Variants in ARHGEF1 observed in about 807,000 individuals in gnomAD.
The protein encoded by ARHGEF1 is 115 kDa guanine nucleotide exchange factor.
Under a neutral mutation model 119.7 loss-of-function variants are expected in ARHGEF1, and 40 were observed. That is an observed-to-expected ratio of 0.33 (90% confidence interval 0.26 to 0.44). The LOEUF (loss-of-function observed/expected upper bound fraction) is 0.44, where lower values mean the gene tolerates loss of function less well. Ranked by LOEUF, ARHGEF1 falls within the 20% of genes least tolerant of loss-of-function variation. The pLI is 1.00. For synonymous variants in ARHGEF1, 494 were observed against 521.0 expected (o/e 0.95, Z 0.71); for missense variants, 976 against 1,268.3 (o/e 0.77, Z 3.50).
At chr19:41,909,790 A>G (rs1483866748), downstream of ARHGEF1, 3 of 1,449,240 alleles carry the variant, frequency 2.1e-6, no homozygotes, top group Non-Finnish European at 1.9e-6. This position sits in a 1 kb window ranked among gnomAD's most constrained non-coding sequence, Gnocchi z 5.2. Flanking sequence ...CTGCCCCAGG[A>G]TGCAGAGGGG....
intron 4 of ARHGEF1, chr19:41,890,415 G>T (rs1215209002): frequency 6.6e-6 from 1 of 151,930 alleles, no homozygotes; most frequent in African/African-American, 2.4e-5. Flanking sequence ...GGAGGCTGAG[G>T]TGGGTAGATC....
At chr19:41,914,874 C>A (rs1300607749) in intron 18 of ARHGEF1, among the ~76,000 whole-genome samples, 11 of 54,800 alleles carry the variant, frequency 2.0e-4, no homozygotes, top group Non-Finnish European at 3.9e-4. Flanking sequence ...ATCTCTGTCT[C>A]TCCCTCCCCT....
upstream of ARHGEF1, among the ~76,000 whole-genome samples, chr19:41,921,153 G>A (rs572020613): frequency 2.9e-4 from 44 of 152,286 alleles, no homozygotes; most frequent in South Asian, 6.8e-3. This position sits in a 1 kb window ranked among gnomAD's most constrained non-coding sequence, Gnocchi z 4.4. Flanking sequence ...AGGCGCCACC[G>A]TGAGGCGAGG....
chr19:41,925,639 G>A (rs1291579830), intron 1 of ARHGEF1, among the ~76,000 whole-genome samples: 1 of 152,070 alleles, frequency 6.6e-6, no homozygotes, highest in African/African-American at 2.4e-5. Context: ...TGGTGCTTGG[G>A]GTTAGGACAC....
At position 41,892,566 on chromosome 19, in the gene ARHGEF1, G is replaced by A; in HGVS notation, c.368-37G>A. ...GTGGGGACCGTGGTCCAAGCCACCA[G>A]GGAGCTGGACCCTAGCCCCCATGTG... is the stretch of plus-strand genomic sequence containing the variant. On this transcript the variant is annotated intron_variant, in intron 6 of 28. Transcript: ENST00000354532. The surrounding 1 kb of genome is among the most constrained non-coding windows in gnomAD (Gnocchi z 6.3). 1.9e-6 allele frequency: 3 copies of A among 1,566,320 alleles called. No homozygotes were observed. The highest frequency in any genetic ancestry group is 2.6e-6 in the Non-Finnish European group (3 of 1,151,478).
At chr19:41,920,192 G>GATA (rs1299102530), upstream of ARHGEF1, among the ~76,000 whole-genome samples, 2 of 110,220 alleles carry the variant, frequency 1.8e-5, no homozygotes, top group Non-Finnish European at 3.6e-5. Flanking sequence ...TCACAGACAT[G>GATA]CGCTCACAGA....
In ARHGEF1 at chr19:41,897,195, G is replaced by A. The variant is rs550234905; in HGVS notation, c.1121+713G>A. ...GGCCCTGTCCCCCTTACAGCTGGGG[G>A]GCAGGCTCTGCCTCCTGCCCGTCCT... On this transcript the variant is annotated intron_variant, in intron 13 of 28. Coordinates refer to ENST00000354532, the MANE Select transcript of ARHGEF1 (RefSeq NM_004706.4). The A allele has an allele frequency of 3.1e-5, 32 of 1,027,456 alleles. No individual in the cohort carries two copies. In the African/African-American group the frequency reaches 4.9e-4, roughly 16 times the overall value. The allele number at this position is 1,027,456 out of a possible 1,614,324, so 63.6% of individuals were successfully genotyped here.
chr19:41,896,847 C>CT, intron 13 of ARHGEF1: 2 of 332,734 alleles, frequency 6.0e-6, no homozygotes, highest in South Asian at 4.0e-5. Context: ...CTCACCTCCC[C>CT]CCTCCTCTCT....
rs1237330660 is a variant in ARHGEF1, at chr19:41,916,086, C to T, written c.1866-7006C>T. 2.0e-5 allele frequency among the ~76,000 whole-genome samples: 3 copies of T among 152,054 alleles called. No homozygotes were observed. Among genetic ancestry groups the T allele is most frequent in the Non-Finnish European group, 2.9e-5 (2 of 68,000 alleles). On this transcript the variant is annotated intron_variant, in intron 18 of 20. Coordinates refer to the ARHGEF1 transcript ENST00000599589. The surrounding 1 kb of genome is among the most constrained non-coding windows in gnomAD (Gnocchi z 5.4). The stretch of plus-strand genomic sequence containing the variant: ...AATGTGTGTGCGCATGTGAGCGAAG[C>T]GGTGTGCAGAGGCGCTGGGCAGGCG...
At position 41,905,946 on chromosome 19, in the gene ARHGEF1, CGA is replaced by C; in HGVS notation, c.2417_2418del (p.Arg806AsnfsTer4). ...CTCTGTTCCCCAATCCAGCCCGGAC[CGA>C]GAGAATCCTCAGTGACCTCCTGCCC... is the stretch of plus-strand genomic sequence containing the variant. ...RETSPADART[E>X]RILSDLLPFC... is the part of the protein sequence containing the mutation. On this transcript the variant is annotated frameshift_variant, in exon 26 of 29. Transcript: ENST00000354532. LOFTEE classifies it high-confidence loss of function. The surrounding 1 kb of genome is among the most constrained non-coding windows in gnomAD (Gnocchi z 6.4). 6.2e-7 allele frequency: 1 copy of C among 1,614,110 alleles called. No individual in the cohort carries two copies. Among genetic ancestry groups the C allele is most frequent in the Admixed American group, 1.7e-5 (1 of 60,010 alleles).
chr19:41,913,966 A>G (rs183615902), intron 18 of ARHGEF1, among the ~76,000 whole-genome samples: 1 of 149,294 alleles, frequency 6.7e-6, no homozygotes, highest in East Asian at 2.0e-4. Flanking sequence ...GACGCTCTCA[A>G]AAACCCACTC....
chr19:41,929,412 G>A (rs1208082558), intron 2 of ARHGEF1, among the ~76,000 whole-genome samples: 1 of 152,134 alleles, frequency 6.6e-6, no homozygotes, highest in Non-Finnish European at 1.5e-5. Flanking sequence ...AAAGGGCCCT[G>A]CCCAGCCAGA....
At chr19:41,908,926 TACAC>T, downstream of ARHGEF1, 1 of 531,666 alleles carries the variant, frequency 1.9e-6, no homozygotes, top group Non-Finnish European at 2.9e-6. The surrounding 1 kb of genome is among the most constrained non-coding windows in gnomAD (Gnocchi z 6.7). Flanking sequence ...TTCTGGGTTT[TACAC>T]ACACACACCC....
intron 1 of ARHGEF1, among the ~76,000 whole-genome samples, chr19:41,887,176 T>C (rs1555845343): frequency 6.6e-6 from 1 of 151,588 alleles, no homozygotes; most frequent in African/African-American, 2.4e-5. Flanking sequence ...GAAGGGGGTG[T>C]CACCGCTGAG....
rs1260595261 is a variant in ARHGEF1 at position 41,917,432 on chromosome 19, G to T, written c.1866-5660G>T. On this transcript the variant is annotated intron_variant, in intron 18 of 20. Coordinates refer to the ARHGEF1 transcript ENST00000599589. This position sits in a 1 kb window ranked among gnomAD's most constrained non-coding sequence, Gnocchi z 4.8. ...CGCCGGCCGCCTCGGGAGCCGCCTCGGGCCTCGCACCCCCACCACCAGCCC... is the reference window on the plus strand; with the variant it reads ...CGCCGGCCGCCTCGGGAGCCGCCTCTGGCCTCGCACCCCCACCACCAGCCC... 6.6e-6 allele frequency among the ~76,000 whole-genome samples: 1 copy of T among 151,822 alleles called. No homozygotes were observed. The highest frequency in any genetic ancestry group is 6.6e-5 in the Admixed American group (1 of 15,244).
Position 41,888,388 on chromosome 19 carries a change from ATCC to A in ARHGEF1, c.111+113_111+115del, listed in dbSNP as rs1267086985. ...TTGGCCTTTTCCCACGGTCTGTCTC[ATCC>A]TCTCATCTCCCTGGTACCTCCTTCC... On this transcript the variant is annotated intron_variant, in intron 3 of 28. Coordinates refer to ENST00000354532, the MANE Select transcript of ARHGEF1 (RefSeq NM_004706.4). The surrounding 1 kb of genome is among the most constrained non-coding windows in gnomAD (Gnocchi z 5.1). The A allele has an allele frequency of 3.8e-6, 4 of 1,060,758 alleles. No homozygotes were observed. Among genetic ancestry groups the A allele is most frequent in the Non-Finnish European group, 5.6e-6 (4 of 719,906 alleles). The allele number at this position is 1,060,758 out of a possible 1,614,324, so 65.7% of individuals were successfully genotyped here.
chr19:41,884,394 G>A, intron 1 of ARHGEF1: 2 of 1,585,938 alleles, frequency 1.3e-6, no homozygotes, highest in South Asian at 1.1e-5. Context: ...ACTCAGGGCG[G>A]CTAGAGCGAC....
At chr19:41,918,658 A>T (rs2074818717), upstream of ARHGEF1, among the ~76,000 whole-genome samples, 1 of 146,530 alleles carries the variant, frequency 6.8e-6, no homozygotes, top group Non-Finnish European at 1.5e-5. Context: ...CACAGTACAT[A>T]CACTACCCAT....
At chr19:41,911,290 T>C (rs147578539), downstream of ARHGEF1, among the ~76,000 whole-genome samples, 236 of 152,332 alleles carry the variant, frequency 1.5e-3, 1 homozygote, top group East Asian at 0.04. Context: ...TTCACTCTTA[T>C]GCCACATCCT....
Sources: gnomAD v4.1 joint callset for allele counts (sites outside exome capture counted in the v4.1 genomes callset) on GRCh38, gnomAD v4.1.1 for gene constraint, Gnocchi (gnomAD v3.1) non-coding constraint, MANE v1.5 for transcripts, NCBI Gene and HGNC (gene_info 2026-07-23, HGNC 2026-07-21) for gene names.